TENM2: variants seen among roughly 807,000 people sequenced by gnomAD.
TENM2 encodes the protein teneurin transmembrane protein 2.
A neutral mutation model predicts 245.2 loss-of-function variants in TENM2; 52 were observed. That is an observed-to-expected ratio of 0.21 (90% CI 0.17 to 0.27). The LOEUF (loss-of-function observed/expected upper bound fraction) is 0.27, where lower values mean the gene tolerates loss of function less well. Ranked by LOEUF, TENM2 falls within the 10% of genes least tolerant of loss-of-function variation. The pLI is 1.00. For synonymous variants in TENM2, 1,363 were observed against 1,438.9 expected, an observed-to-expected ratio of 0.95 and a Z score of 1.19; for missense variants, 3,046 against 3,666.8, an observed-to-expected ratio of 0.83 and a Z score of 4.37.
the TENM2 span, chr5:167,168,253 G>A: frequency 6.6e-6 from 1 of 152,300 alleles, no homozygotes; most frequent in East Asian, 1.9e-4. Context: ...ATCATGTCAC[G>A]GCTGAGGTCA....
the TENM2 span, among the ~76,000 whole-genome samples, chr5:167,241,599 G>A: frequency 1.8e-4 from 27 of 152,190 alleles, no homozygotes; most frequent in Non-Finnish European, 3.8e-4. Context: ...CACGACTCAA[G>A]AGAAGGGTGC....
At chr5:167,100,046 C>T in the TENM2 span, among the ~76,000 whole-genome samples, 1 of 152,136 alleles carries the variant, frequency 6.6e-6, no homozygotes, top group African/African-American at 2.4e-5. Context: ...CAGCCTTGAC[C>T]TTCCACCTGT....
chr5:167,647,614 C>T (rs1780050543), intron 2 of TENM2, among the ~76,000 whole-genome samples: 1 of 151,812 alleles, frequency 6.6e-6, no homozygotes, highest in African/African-American at 2.4e-5. Flanking sequence ...CAGAGAGAGA[C>T]TTAGTCTCAA....
intron 2 of TENM2, among the ~76,000 whole-genome samples, chr5:167,420,972 T>C (rs1397486846): frequency 1.3e-5 from 2 of 152,194 alleles, no homozygotes; most frequent in Non-Finnish European, 2.9e-5. Flanking sequence ...CGTGGACACA[T>C]ACTTTTGAAG....
rs146101739 is a variant in TENM2 at position 168,170,299 on chromosome 5, T to A, written c.2569+7542T>A. 9.3e-3 allele frequency among the ~76,000 whole-genome samples: 1,408 copies of A among 152,050 alleles called. 25 individuals carry two copies. The highest frequency in any genetic ancestry group is 0.032 in the African/African-American group (1,324 of 41,448). Reference sequence around the variant, plus strand: ...AGGGCAGATCACTTGAGGTCAGGAGTTTGAGACCAGCCTGGCCAATATGGT... The same window carrying A: ...AGGGCAGATCACTTGAGGTCAGGAGATTGAGACCAGCCTGGCCAATATGGT... On this transcript the variant is annotated intron_variant, in intron 13 of 28. Coordinates refer to ENST00000518659, the Ensembl canonical transcript of TENM2.
chr5:167,073,339 C>T, the TENM2 span, among the ~76,000 whole-genome samples: 5 of 152,118 alleles, frequency 3.3e-5, no homozygotes, highest in Admixed American at 6.6e-5. Context: ...AATTGTACAT[C>T]GAAGATCCAC....
intron 2 of TENM2, among the ~76,000 whole-genome samples, chr5:167,858,343 A>G (rs985953341): frequency 6.6e-6 from 1 of 152,272 alleles, no homozygotes; most frequent in Admixed American, 6.5e-5. Flanking sequence ...ACCAATGCTG[A>G]CATTTCTGTC....
intron 27 of TENM2, among the ~76,000 whole-genome samples, chr5:168,249,453 G>GGT (rs3084277): frequency 0.064 from 9,584 of 148,836 alleles, 358 homozygotes; most frequent in Non-Finnish European, 0.085. Flanking sequence ...GTTCTCTCAA[G>GGT]GTGTGTGTGT....
intron 15 of TENM2, among the ~76,000 whole-genome samples, chr5:168,198,089 C>T (rs1176818255): frequency 6.6e-6 from 1 of 152,038 alleles, no homozygotes; most frequent in African/African-American, 2.4e-5. Context: ...GCTTTGCTGG[C>T]CATGTGGCTT....
At chr5:168,100,968 G>A (rs1793768368) in intron 9 of TENM2, among the ~76,000 whole-genome samples, 1 of 151,188 alleles carries the variant, frequency 6.6e-6, no homozygotes, top group Admixed American at 6.6e-5. Flanking sequence ...ACAGCTCTCA[G>A]GGCTCTGTGT....
At chr5:167,408,594 A>G (rs535279029) in intron 2 of TENM2, among the ~76,000 whole-genome samples, 2 of 152,174 alleles carry the variant, frequency 1.3e-5, no homozygotes, top group African/African-American at 4.8e-5. Flanking sequence ...GATCGATTCC[A>G]TTAAGTAGGT....
At chr5:167,342,325 G>C (rs1243488668) in intron 1 of TENM2, among the ~76,000 whole-genome samples, 1 of 151,898 alleles carries the variant, frequency 6.6e-6, no homozygotes, top group Non-Finnish European at 1.5e-5. Context: ...AGATCTGTCT[G>C]ATATTTTTCT....
intron 13 of TENM2, among the ~76,000 whole-genome samples, chr5:168,180,756 G>C (rs1759800277): frequency 6.6e-6 from 1 of 151,616 alleles, no homozygotes; most frequent in African/African-American, 2.4e-5. Flanking sequence ...AAAAAAATTA[G>C]CTGGGCATTG....
At chr5:167,235,559 G>A in the TENM2 span, among the ~76,000 whole-genome samples, 3 of 152,268 alleles carry the variant, frequency 2.0e-5, no homozygotes, top group Admixed American at 6.5e-5. Flanking sequence ...GGATGCAAAT[G>A]CTATAGTGAT....
chr5:167,290,817 A>C (rs1420078988), intron 1 of TENM2, among the ~76,000 whole-genome samples: 1 of 152,192 alleles, frequency 6.6e-6, no homozygotes, highest in Non-Finnish European at 1.5e-5. Context: ...GTAGTGTCAT[A>C]GGATACAAAC....
chr5:168,027,325 C>T (rs1786714222), intron 5 of TENM2, among the ~76,000 whole-genome samples: 1 of 152,164 alleles, frequency 6.6e-6, no homozygotes, highest in African/African-American at 2.4e-5. Context: ...ATGCAGCCTC[C>T]CCCTTACATC....
intron 3 of TENM2, among the ~76,000 whole-genome samples, chr5:167,934,543 C>T (rs1276398797): frequency 1.3e-5 from 2 of 152,094 alleles, no homozygotes; most frequent in African/African-American, 2.4e-5. Context: ...AAACAAGTAC[C>T]GATGTCAAGC....
intron 2 of TENM2, among the ~76,000 whole-genome samples, chr5:167,559,042 T>C (rs1463949334): frequency 6.6e-6 from 1 of 152,142 alleles, no homozygotes; most frequent in African/African-American, 2.4e-5. Flanking sequence ...GCCTGGCACA[T>C]AGTGGGAGCT....
At chr5:167,468,755 A>G (rs1283508606) in intron 2 of TENM2, among the ~76,000 whole-genome samples, 1 of 152,210 alleles carries the variant, frequency 6.6e-6, no homozygotes, top group East Asian at 1.9e-4. Context: ...TTTATATTGA[A>G]TCATTGATTC....
Sources: allele counts gnomAD v4.1 joint callset (sites outside exome capture counted in the v4.1 genomes callset), GRCh38; gene constraint gnomAD v4.1.1; transcripts MANE v1.5; gene names NCBI Gene and HGNC (gene_info 2026-07-23, HGNC 2026-07-21).